Variants in FHIP2A observed in about 807,000 individuals in gnomAD.
FHIP2A encodes family with sequence similarity 160 member B1.
FHIP2A carries 46 observed loss-of-function variants against 93.5 expected under a neutral mutation model. The observed-to-expected ratio is 0.49, with a 90% confidence interval of 0.39 to 0.63. The LOEUF is 0.63. Ranked by LOEUF, FHIP2A falls within the 20% of genes least tolerant of loss-of-function variation. The pLI, the probability that FHIP2A is intolerant of heterozygous loss-of-function variation, is 0.00. For missense variants in FHIP2A, 769 were observed against 909.7 expected (o/e 0.85, Z 1.99); for synonymous variants, 332 against 326.5 (o/e 1.02, Z -0.18).
intron 16 of FHIP2A, among the ~76,000 whole-genome samples, chr10:114,887,926 A>C (rs1447754357): frequency 6.6e-6 from 1 of 152,198 alleles, no homozygotes; most frequent in African/African-American, 2.4e-5. Flanking sequence ...CTCCCAGAGA[A>C]TGGCCTGGGC....
chr10:114,855,926 T>C (rs1371900951), intron 14 of FHIP2A, among the ~76,000 whole-genome samples: 1 of 152,190 alleles, frequency 6.6e-6, no homozygotes, highest in East Asian at 1.9e-4. Flanking sequence ...AATTTGGGAT[T>C]ATGGAATCCC....
intron 12 of FHIP2A, among the ~76,000 whole-genome samples, chr10:114,847,856 C>T (rs2083711354): frequency 6.6e-6 from 1 of 151,716 alleles, no homozygotes; most frequent in Admixed American, 6.6e-5. Context: ...AAGCGATTCT[C>T]CTGCCTCAGG....
chr10:114,832,268 A>C (rs1205845548), intron 2 of FHIP2A, among the ~76,000 whole-genome samples: 1 of 152,164 alleles, frequency 6.6e-6, no homozygotes, highest in Non-Finnish European at 1.5e-5. Context: ...TATTTAATAA[A>C]AATTCTCCTG....
Position 114,846,170 on chromosome 10 carries a change from C to T in FHIP2A, c.1206-5C>T. ...GCCCACTGACTACCTGTTCATTGTGCTCAGTTCTGAGATGGGTATTCTCAC... is the reference window on the plus strand; with the variant it reads ...GCCCACTGACTACCTGTTCATTGTGTTCAGTTCTGAGATGGGTATTCTCAC... On this transcript the variant is annotated splice_region_variant and splice_polypyrimidine_tract_variant and intron_variant, in intron 9 of 16. Coordinates refer to ENST00000369248, the MANE Select transcript of FHIP2A (RefSeq NM_020940.4). 2 of 1,613,850 alleles carry T rather than the reference C, an allele frequency of 1.2e-6. No homozygotes were observed. Among genetic ancestry groups the T allele is most frequent in the South Asian group, 1.1e-5 (1 of 91,066 alleles).
intron 16 of FHIP2A, among the ~76,000 whole-genome samples, chr10:114,884,652 C>T (rs1354551019): frequency 6.6e-6 from 1 of 152,204 alleles, no homozygotes; most frequent in Non-Finnish European, 1.5e-5. Flanking sequence ...GTGGCTCACG[C>T]CTGTAATCCC....
Position 114,855,179 on chromosome 10 carries a change from A to T in FHIP2A, c.1804-18A>T. The T allele has an allele frequency of 6.3e-7, 1 of 1,594,940 alleles. No individual in the cohort carries two copies. The highest frequency in any genetic ancestry group is 8.5e-7 in the Non-Finnish European group (1 of 1,172,438). On this transcript the variant is annotated intron_variant, in intron 13 of 16. Coordinates refer to ENST00000369248, the MANE Select transcript of FHIP2A (RefSeq NM_020940.4). ...TTGTTTTTGTTCTTTAATGATTCAC[A>T]TGCTTTTTTCCCCCTAGTTCCGAGA...
At chr10:114,885,291 A>C (rs910876290) in intron 16 of FHIP2A, among the ~76,000 whole-genome samples, 5 of 151,528 alleles carry the variant, frequency 3.3e-5, no homozygotes, top group Non-Finnish European at 7.4e-5. Flanking sequence ...GCTACCCAGG[A>C]GGCTGAGGCA....
chr10:114,828,136 A>T (rs2083588090), intron 1 of FHIP2A, among the ~76,000 whole-genome samples: 1 of 152,214 alleles, frequency 6.6e-6, no homozygotes, highest in South Asian at 2.1e-4. Context: ...ATGTTTGAAC[A>T]AGATTATTAC....
At position 114,824,183 on chromosome 10, in the gene FHIP2A, C is replaced by G. The variant is rs1310928147; in HGVS notation, c.45+2060C>G. 6.6e-5 allele frequency among the ~76,000 whole-genome samples: 10 copies of G among 152,292 alleles called. No homozygotes were observed. The East Asian group carries it at 1.7e-3, about 26-fold the overall frequency. On this transcript the variant is annotated intron_variant, in intron 1 of 16. Coordinates refer to ENST00000369248, the MANE Select transcript of FHIP2A (RefSeq NM_020940.4). ...TAGGAAGAGATGTCCTGGAACTAGT[C>G]CCCTACAGATACCAACTATATTTAT...
At position 114,899,281 on chromosome 10, in the gene FHIP2A, TAA is replaced by T. The variant is rs530006036; in HGVS notation, c.2193-208_2193-207del. Among the ~76,000 whole-genome samples, 472 of 152,358 alleles carry T rather than the reference TAA, an allele frequency of 3.1e-3. 2 individuals carry two copies. The highest frequency in any genetic ancestry group is 0.011 in the African/African-American group (441 of 41,588). ...CTGAAACACTAACTGAAAAGATATATAAGTTAAAATATTAGTAAAAACTTTTT... is the reference window on the plus strand; with the variant it reads ...CTGAAACACTAACTGAAAAGATATATGTTAAAATATTAGTAAAAACTTTTT... On this transcript the variant is annotated intron_variant, in intron 16 of 16. Transcript: ENST00000369250.
intron 2 of FHIP2A, among the ~76,000 whole-genome samples, chr10:114,833,032 T>G (rs1303894064): frequency 1.3e-5 from 2 of 152,036 alleles, no homozygotes; most frequent in Non-Finnish European, 2.9e-5. Flanking sequence ...GAATATTGAT[T>G]CAGTTTTAGG....
intron 13 of FHIP2A, 126 bp from the exon 14 acceptor site, chr10:114,855,071 G>A (rs2083758800): frequency 1.1e-6 from 1 of 926,388 alleles, no homozygotes; most frequent in African/African-American, 1.7e-5. Flanking sequence ...CTCTCCCTTG[G>A]CACCTGAAGC....
At chr10:114,847,969 A>T (rs965215828) in intron 12 of FHIP2A, among the ~76,000 whole-genome samples, 10 of 152,280 alleles carry the variant, frequency 6.6e-5, no homozygotes, top group Admixed American at 3.3e-4. Context: ...TCCCATTTTT[A>T]AAAAATATAA....
At chr10:114,824,417 G>C (rs533353622) in intron 1 of FHIP2A, among the ~76,000 whole-genome samples, 431 of 152,284 alleles carry the variant, frequency 2.8e-3, no homozygotes, top group South Asian at 8.3e-3. Context: ...TGAGGTTAGT[G>C]AGAAAAAGTT....
At chr10:114,859,895 G>A (rs894454758) in intron 14 of FHIP2A, among the ~76,000 whole-genome samples, 3 of 152,102 alleles carry the variant, frequency 2.0e-5, no homozygotes, top group Non-Finnish European at 2.9e-5. Flanking sequence ...GCATAGGGTC[G>A]TCATCAGTTC....
At position 114,864,116 on chromosome 10, in the gene FHIP2A, A is replaced by ATACATG; in HGVS notation, c.*2578_*2579insCATGTA. ...TACATTATTGTGTGTGTATATATGT[A>ATACATG]TATATGTATATATATAAGGACCAAA... On this transcript the variant is annotated 3_prime_UTR_variant, in exon 17 of 17. Transcript: ENST00000369248. 1.0e-6 allele frequency: 1 copy of ATACATG among 978,234 alleles called. No homozygotes were observed. Among genetic ancestry groups the ATACATG allele is most frequent in the South Asian group, 4.7e-5 (1 of 21,154 alleles). 60.6% of individuals were successfully genotyped at this position (978,234 alleles called of 1,614,324 possible).
At chr10:114,895,360 G>C (rs916458517) in intron 16 of FHIP2A, among the ~76,000 whole-genome samples, 1 of 152,124 alleles carries the variant, frequency 6.6e-6, no homozygotes, top group South Asian at 2.1e-4. Flanking sequence ...GACTATGCCC[G>C]CTTGCTCTAC....
chr10:114,846,380 A>C lies in FHIP2A; in HGVS notation c.1398+13A>C. 11 of 1,604,240 alleles carry C rather than the reference A, an allele frequency of 6.9e-6. No individual in the cohort carries two copies. Among genetic ancestry groups the C allele is most frequent in the African/African-American group, 1.3e-5 (1 of 74,606 alleles). ...CATATCTGATGAGGTAAGCTACGTA[A>C]TGATTTAGAATTGGACTTAGATTCT... On this transcript the variant is annotated intron_variant, in intron 10 of 16. Coordinates refer to ENST00000369248, the MANE Select transcript of FHIP2A (RefSeq NM_020940.4).
At chr10:114,829,867 G>A (rs930529545) in intron 1 of FHIP2A, among the ~76,000 whole-genome samples, 21 of 152,174 alleles carry the variant, frequency 1.4e-4, no homozygotes, top group Admixed American at 5.9e-4. Context: ...TTGTAGGTTT[G>A]CTATAAGATG....
Sources: gnomAD v4.1 joint callset for allele counts (sites outside exome capture counted in the v4.1 genomes callset) on GRCh38, gnomAD v4.1.1 for gene constraint, MANE v1.5 for transcripts, NCBI Gene and HGNC (gene_info 2026-07-23, HGNC 2026-07-21) for gene names.